ADD1: variants seen among roughly 807,000 people sequenced by gnomAD.
ADD1 encodes the protein alpha-adducin.
A neutral mutation model predicts 80.5 loss-of-function variants in ADD1; 24 were observed. The ratio of observed to expected loss-of-function variants is 0.30; its 90% CI spans 0.22 to 0.42. The LOEUF is 0.42. ADD1 is among the 10% of genes least tolerant of loss of function. ADD1 has a pLI of 1.00. For missense variants in ADD1, 948 were observed against 1,019.0 expected, an observed-to-expected ratio of 0.93 and a Z score of 0.95; for synonymous variants, 373 against 393.8, an observed-to-expected ratio of 0.95 and a Z score of 0.63.
At chr4:2,854,174 A>AT (rs2108799462) in intron 1 of ADD1, among the ~76,000 whole-genome samples, 1 of 152,174 alleles carries the variant, frequency 6.6e-6, no homozygotes, top group Admixed American at 6.5e-5. Flanking sequence ...ATACAACAAA[A>AT]TTAGCCCAGT....
At position 2,899,087 on chromosome 4, in the gene ADD1, G is replaced by T. The variant is rs1384776098; in HGVS notation, c.985-172G>T. ...TGCCCAATATTTTTGTCATGCTAAA[G>T]AAATACTTCTGAAAGTAACTTTGTG... On this transcript the variant is annotated intron_variant, in intron 8 of 15. Transcript: ENST00000683351. 4.3e-6 allele frequency: 3 copies of T among 705,062 alleles called. No homozygotes were observed. In the African/African-American group the frequency reaches 5.4e-5, roughly 13 times the overall value. 43.7% of individuals were successfully genotyped at this position (705,062 alleles called of 1,614,324 possible).
intron 1 of ADD1, among the ~76,000 whole-genome samples, chr4:2,852,258 TTTCC>T (rs1206919938): frequency 5.3e-4 from 77 of 145,364 alleles, no homozygotes; most frequent in African/African-American, 1.7e-3. Flanking sequence ...TCTTTCTTTC[TTTCC>T]TTCCTTCCTT....
At chr4:2,881,671 C>T in intron 2 of ADD1, 1 of 390,690 alleles carries the variant, frequency 2.6e-6, no homozygotes, top group Non-Finnish European at 4.5e-6. Flanking sequence ...AAAATAGATT[C>T]CTAAGAGTAG....
chr4:2,847,761 TCCAGAACGGCGGGGA>T (rs1726470622), intron 1 of ADD1, among the ~76,000 whole-genome samples: 1 of 152,160 alleles, frequency 6.6e-6, no homozygotes, highest in African/African-American at 2.4e-5. Context: ...ATTGGTTCAG[TCCAGAACGGCGGGGA>T]CAGCTTGAAG....
intron 13 of ADD1, among the ~76,000 whole-genome samples, chr4:2,913,138 A>G (rs1225375454): frequency 6.6e-6 from 1 of 152,210 alleles, no homozygotes. Flanking sequence ...GTGAGCCACC[A>G]TGCCTGGCCT....
At chr4:2,850,354 A>T (rs1263414) in intron 1 of ADD1, among the ~76,000 whole-genome samples, 2,466 of 151,230 alleles carry the variant, frequency 0.016, 54 homozygotes, top group African/African-American at 0.048. Flanking sequence ...TGCAACCTCC[A>T]CCTCCCAAGT....
At chr4:2,865,760 A>T (rs1482525584) in intron 1 of ADD1, among the ~76,000 whole-genome samples, 1 of 152,238 alleles carries the variant, frequency 6.6e-6, no homozygotes, top group Non-Finnish European at 1.5e-5. Context: ...TTCAGAAAAA[A>T]AATTTTGTTT....
At chr4:2,862,101 G>A (rs1728905913) in intron 1 of ADD1, among the ~76,000 whole-genome samples, 1 of 152,220 alleles carries the variant, frequency 6.6e-6, no homozygotes, top group Non-Finnish European at 1.5e-5. Flanking sequence ...CCAGCAGGTA[G>A]AAGTTGGATA....
chr4:2,907,248 C>T (rs1423651327), intron 10 of ADD1: 1 of 154,308 alleles, frequency 6.5e-6, no homozygotes, highest in Non-Finnish European at 1.4e-5. Context: ...CATTCTGATG[C>T]TGTCATTTAC....
In ADD1 at chr4:2,928,833, C is replaced by CGT. The variant is rs1438510120; in HGVS notation, c.*311_*312dup. On this transcript the variant is annotated 3_prime_UTR_variant, in exon 16 of 16. Transcript: ENST00000683351. ...GAAGGCTTCTGCAGCTTTGGCTGCA[C>CGT]GTCACCCTCCTGAGCCTCACCTTTC... is the stretch of plus-strand genomic sequence containing the variant. 2 of 330,130 alleles carry CGT rather than the reference C, an allele frequency of 6.1e-6. No individual in the cohort carries two copies. Among genetic ancestry groups the CGT allele is most frequent in the African/African-American group, 4.4e-5 (2 of 45,640 alleles). The allele number at this position is 330,130 out of a possible 1,614,324, so 20.5% of individuals were successfully genotyped here.
At chr4:2,895,373 G>A (rs1038245890) in intron 6 of ADD1, among the ~76,000 whole-genome samples, 2 of 152,078 alleles carry the variant, frequency 1.3e-5, no homozygotes, top group African/African-American at 4.8e-5. Context: ...CAGGCATCTC[G>A]TTCGAGAAGA....
At chr4:2,854,243 G>C (rs1489067658) in intron 1 of ADD1, among the ~76,000 whole-genome samples, 1 of 152,148 alleles carries the variant, frequency 6.6e-6, no homozygotes, top group Admixed American at 6.5e-5. Context: ...AGCATTGCTT[G>C]AACCTAGGAG....
At chr4:2,881,576 G>A (rs34230908) in intron 2 of ADD1, 2,003 of 200,140 alleles carry the variant, frequency 0.01, 51 homozygotes, top group African/African-American at 0.043. Flanking sequence ...TGATTGAAAC[G>A]TAGGATGTTT....
chr4:2,923,519 G>T (rs577170485), intron 14 of ADD1, among the ~76,000 whole-genome samples: 2 of 152,238 alleles, frequency 1.3e-5, no homozygotes, highest in African/African-American at 4.8e-5. Flanking sequence ...AGTTGGAAAT[G>T]CAGAAATCAT....
At position 2,907,740 on chromosome 4, in the gene ADD1, C is replaced by T; in HGVS notation, c.1507-3C>T. 7.4e-6 allele frequency: 12 copies of T among 1,612,520 alleles called. No homozygotes were observed. Among genetic ancestry groups the T allele is most frequent in the Non-Finnish European group, 1.0e-5 (12 of 1,178,636 alleles). On this transcript the variant is annotated splice_region_variant and splice_polypyrimidine_tract_variant and intron_variant, in intron 10 of 15. Transcript: ENST00000683351. ...GACTTTTCAACTGTTCTTGATATTA[C>T]AGTGGACTAAAGAGGATGGACATAG...
At chr4:2,903,776 C>A (rs1736587599) in intron 9 of ADD1, among the ~76,000 whole-genome samples, 1 of 152,130 alleles carries the variant, frequency 6.6e-6, no homozygotes, top group Admixed American at 6.6e-5. Context: ...GTCACACTTA[C>A]CAAGTGTGGC....
intron 14 of ADD1, among the ~76,000 whole-genome samples, chr4:2,915,534 G>T (rs998284467): frequency 6.6e-6 from 1 of 152,234 alleles, no homozygotes; most frequent in African/African-American, 2.4e-5. Flanking sequence ...CCAGCTACTT[G>T]GGAGGCTGAG....
intron 1 of ADD1, among the ~76,000 whole-genome samples, chr4:2,874,605 A>C (rs1730972144): frequency 1.1e-5 from 1 of 87,120 alleles, no homozygotes; most frequent in Non-Finnish European, 3.0e-5. Flanking sequence ...AGACTGTCTC[A>C]AAAAAAAAAA....
chr4:2,884,617 G>A lies in ADD1; in HGVS notation c.461G>A (p.Arg154Lys), dbSNP rs1306674469. Reference sequence around the variant, plus strand: ...CGGTGTAAATTGGCAGCGTTTTATAGACTAGCAGATCTCTTTGGGTGGTCT... The same window carrying A: ...CGGTGTAAATTGGCAGCGTTTTATAAACTAGCAGATCTCTTTGGGTGGTCT... ...LLRCKLAAFY[R>K]LADLFGWSQL... Residue 154 changes from arginine to lysine, a missense_variant, in exon 4 of 16, where the codon AGA becomes AAA. Transcript: ENST00000683351. 3 of 1,612,352 alleles carry A rather than the reference G, an allele frequency of 1.9e-6. No homozygotes were observed. Among genetic ancestry groups the A allele is most frequent in the Non-Finnish European group, 2.5e-6 (3 of 1,178,986 alleles).
Sources: allele counts gnomAD v4.1 joint callset (sites outside exome capture counted in the v4.1 genomes callset), GRCh38; gene constraint gnomAD v4.1.1; transcripts MANE v1.5; gene names NCBI Gene and HGNC (gene_info 2026-07-23, HGNC 2026-07-21).